Variants in ABRA observed in about 807,000 individuals in gnomAD.
ABRA encodes actin binding Rho activating protein.
A neutral mutation model predicts 33.4 loss-of-function variants in ABRA; 25 were observed. The ratio of observed to expected loss-of-function variants is 0.75; its 90% CI spans 0.55 to 1.04. The LOEUF (loss-of-function observed/expected upper bound fraction) is 1.04, where lower values mean the gene tolerates loss of function less well. Ranked by LOEUF, ABRA falls within the 50% of genes least tolerant of loss-of-function variation. The pLI is 0.00. For synonymous variants in ABRA, 193 were observed against 176.8 expected, an observed-to-expected ratio of 1.09 and a Z score of -0.73; for missense variants, 501 against 491.7, an observed-to-expected ratio of 1.02 and a Z score of -0.18.
intron 1 of ABRA, among the ~76,000 whole-genome samples, chr8:106,762,188 A>G (rs551537678): frequency 7.2e-5 from 11 of 152,350 alleles, no homozygotes; most frequent in Non-Finnish European, 1.5e-4. Flanking sequence ...ACAAATGAGG[A>G]AACTGAGGCC....
chr8:106,760,785 C>T lies in ABRA; in HGVS notation c.*252G>A, dbSNP rs749658839. Reference sequence around the variant, plus strand: ...TGTCTCAAAACAAAAACAAAAACACCCTGTGGAATTTCAACTATTAATACT... The same window carrying T: ...TGTCTCAAAACAAAAACAAAAACACTCTGTGGAATTTCAACTATTAATACT... On this transcript the variant is annotated 3_prime_UTR_variant, in exon 2 of 2. Transcript: ENST00000311955. The T allele has an allele frequency of 2.6e-4, 113 of 433,756 alleles. No homozygotes were observed. Among genetic ancestry groups the T allele is most frequent in the Non-Finnish European group, 4.0e-4 (97 of 245,118 alleles). The allele number at this position is 433,756 out of a possible 1,614,324, so 26.9% of individuals were successfully genotyped here. A position where few individuals can be genotyped will look rare whatever the true frequency, so the allele number is the denominator to read the frequency against.
At chr8:106,761,541 A>C in intron 1 of ABRA, 27 bp from the exon 2 acceptor site, 1 of 1,577,850 alleles carries the variant, frequency 6.3e-7, no homozygotes, top group Non-Finnish European at 8.6e-7. Context: ...GTGAACAATC[A>C]AGATTCAGAT....
At position 106,759,665 on chromosome 8, in the gene ABRA, A is replaced by G. The variant is rs1836108336; in HGVS notation, c.*1372T>C. ...ACTTTCTTAAGATACCAGAACCTTC[A>G]GTTTGAAAGAGACTCATACATGAAA... On this transcript the variant is annotated 3_prime_UTR_variant, in exon 2 of 2. Transcript: ENST00000311955. 6.6e-6 allele frequency: 1 copy of G among 152,218 alleles called. No homozygotes were observed. The highest frequency in any genetic ancestry group is 2.4e-5 in the African/African-American group (1 of 41,466). 9.4% of individuals were successfully genotyped at this position (152,218 alleles called of 1,614,324 possible). A position where few individuals can be genotyped will look rare whatever the true frequency, so the allele number is the denominator to read the frequency against.
At position 106,760,163 on chromosome 8, in the gene ABRA, T is replaced by A. The variant is rs1542644; in HGVS notation, c.*874A>T. 36,275 of 152,102 alleles carry A rather than the reference T, an allele frequency of 0.24. 4,762 individuals carry two copies. The highest frequency in any genetic ancestry group is 0.34 in the African/African-American group (14,293 of 41,478). The allele number at this position is 152,102 out of a possible 1,614,324, so 9.4% of individuals were successfully genotyped here. On this transcript the variant is annotated 3_prime_UTR_variant, in exon 2 of 2. Transcript: ENST00000311955. Reference sequence around the variant, plus strand: ...TGACTCGTTATATGCTGACATGTAATGAAACAATAAACTTCTCCAAGAAGT... The same window carrying A: ...TGACTCGTTATATGCTGACATGTAAAGAAACAATAAACTTCTCCAAGAAGT...
Position 106,770,108 on chromosome 8 carries a change from C to A in ABRA, c.83G>T (p.Ser28Ile). ...RKIRTATLVI[S>I]LARGWQQWAN... ...CCACTGCTGCCAACCTCGGGCCAAG[C>A]TGATGACCAGGGTGGCTGTGCGTAT... The change falls in exon 1 of 2, where the codon AGC (serine) becomes ATC (isoleucine). Residue 28 changes from serine to isoleucine, a missense_variant. Transcript: ENST00000311955. 1 of 1,613,878 alleles carries A rather than the reference C, an allele frequency of 6.2e-7. No individual in the cohort carries two copies. Among genetic ancestry groups the A allele is most frequent in the East Asian group, 2.2e-5 (1 of 44,872 alleles).
In ABRA at chr8:106,761,105, C is replaced by G. The variant is rs766114154; in HGVS notation, c.1078G>C (p.Val360Leu). Residue 360 changes from valine to leucine, a missense_variant, in exon 2 of 2, where the codon GTA (valine) becomes CTA (leucine). Physicochemically the swap from Val to Leu is conservative, Grantham distance 32. Transcript: ENST00000311955. ...CATAGCATCTCTCCTTCAAAGTCTA[C>G]CAGTCCATGTTTCCTGGCACGCATG... ...ILMRARKHGL[V>L]DFEGEMLWQG... 10 of 1,614,098 alleles carry G rather than the reference C, an allele frequency of 6.2e-6. No individual in the cohort carries two copies. Among genetic ancestry groups the G allele is most frequent in the Non-Finnish European group, 7.6e-6 (9 of 1,180,042 alleles).
At chr8:106,763,683 C>T (rs550837595) in intron 1 of ABRA, among the ~76,000 whole-genome samples, 9 of 152,214 alleles carry the variant, frequency 5.9e-5, no homozygotes, top group Admixed American at 1.3e-4. Context: ...ATATCAAGCC[C>T]AAGGCCATCC....
At position 106,761,373 on chromosome 8, in the gene ABRA, A is replaced by T. The variant is rs1409454239; in HGVS notation, c.810T>A (p.Asp270Glu). The T allele has an allele frequency of 2.5e-6, 4 of 1,614,194 alleles. No homozygotes were observed. Among genetic ancestry groups the T allele is most frequent in the Non-Finnish European group, 3.4e-6 (4 of 1,180,040 alleles). ...GGCGGGTGGACATGGCCAGCTCGTA[A>T]TCAAACTCTTCACTGAAAGGATTGA... ...QKLNPFSEEF[D>E]YELAMSTRLH... The change falls in exon 2 of 2, where the codon GAT (aspartate) becomes GAA (glutamate). Residue 270 changes from aspartate to glutamate, a missense_variant. By Grantham distance (45) the Asp-to-Glu change is conservative. Coordinates refer to ENST00000311955, the MANE Select transcript of ABRA (RefSeq NM_139166.5).
intron 1 of ABRA, 110 bp from the exon 2 acceptor site, chr8:106,761,624 T>G: frequency 1.1e-6 from 1 of 886,446 alleles, no homozygotes; most frequent in Non-Finnish European, 1.7e-6. Flanking sequence ...TATAATTTTT[T>G]CACTACAAAA....
At chr8:106,764,668 CAAACAAAA>C (rs572286144) in intron 1 of ABRA, among the ~76,000 whole-genome samples, 214 of 150,452 alleles carry the variant, frequency 1.4e-3, no homozygotes, top group African/African-American at 4.6e-3. Context: ...AACAAACAAA[CAAACAAAA>C]AAGACTGTAA....
intron 1 of ABRA, among the ~76,000 whole-genome samples, chr8:106,763,284 C>T (rs7009179): frequency 2.2e-4 from 33 of 152,256 alleles, no homozygotes; most frequent in African/African-American, 7.7e-4. Context: ...TCCCAACGTC[C>T]TACGCTTGCT....
At chr8:106,762,316 G>C (rs1247798628) in intron 1 of ABRA, among the ~76,000 whole-genome samples, 1 of 152,188 alleles carries the variant, frequency 6.6e-6, no homozygotes, top group Non-Finnish European at 1.5e-5. Context: ...GCCCTAAATA[G>C]GTGACGTTGC....
At chr8:106,766,456 G>A (rs1033700972) in intron 1 of ABRA, among the ~76,000 whole-genome samples, 9 of 152,000 alleles carry the variant, frequency 5.9e-5, no homozygotes, top group South Asian at 2.1e-4. Flanking sequence ...AAAATAAGTG[G>A]ACAAAAAGGC....
intron 1 of ABRA, among the ~76,000 whole-genome samples, chr8:106,761,730 T>C (rs1287802293): frequency 5.3e-5 from 8 of 152,238 alleles, no homozygotes; most frequent in Admixed American, 4.6e-4. Context: ...TAGATTGTTT[T>C]CTCTATGAAT....
intron 1 of ABRA, among the ~76,000 whole-genome samples, chr8:106,765,814 G>A (rs1184476153): frequency 1.3e-5 from 2 of 152,138 alleles, no homozygotes; most frequent in African/African-American, 2.4e-5. Context: ...TTTCTTGTGA[G>A]ATCCTTCAAT....
intron 1 of ABRA, among the ~76,000 whole-genome samples, chr8:106,767,812 T>A (rs377753432): frequency 6.6e-6 from 1 of 152,122 alleles, no homozygotes; most frequent in Non-Finnish European, 1.5e-5. Context: ...ATAAGACAGC[T>A]CTTTAGGCCG....
chr8:106,768,044 G>A (rs1051138873), intron 1 of ABRA, among the ~76,000 whole-genome samples: 10 of 150,678 alleles, frequency 6.6e-5, no homozygotes, highest in Non-Finnish European at 1.2e-4. Flanking sequence ...GCAGTGAGCC[G>A]AGGTCGTGCC....
Position 106,760,892 on chromosome 8 carries a change from G to T in ABRA, c.*145C>A. On this transcript the variant is annotated 3_prime_UTR_variant, in exon 2 of 2. Transcript: ENST00000311955. ...TCTCCAAAATTCCTCATTCTAGATAGAAATAGAATGCCAGAAAGTCGTTTA... is the reference window on the plus strand; with the variant it reads ...TCTCCAAAATTCCTCATTCTAGATATAAATAGAATGCCAGAAAGTCGTTTA... 1 of 754,250 alleles carries T rather than the reference G, an allele frequency of 1.3e-6. No homozygotes were observed. The highest frequency in any genetic ancestry group is 2.2e-6 in the Non-Finnish European group (1 of 453,468). The allele number at this position is 754,250 out of a possible 1,614,324, so 46.7% of individuals were successfully genotyped here.
At position 106,761,171 on chromosome 8, in the gene ABRA, CAA is replaced by C; in HGVS notation, c.1010_1011del (p.Phe337Ter). On this transcript the variant is annotated frameshift_variant, in exon 2 of 2. Transcript: ENST00000311955. LOFTEE classifies it high-confidence loss of function. ...TTATCTGAAATACGAACGTATCTGT[CAA>C]AGAGATCTCCAAAAGTAACCTGGAT... ...GKIQVTFGDL[F>X]DRYVRISDKV... The C allele has an allele frequency of 6.2e-7, 1 of 1,614,214 alleles. No homozygotes were observed. The highest frequency in any genetic ancestry group is 1.7e-5 in the Admixed American group (1 of 60,018).
Sources: allele counts gnomAD v4.1 joint callset (sites outside exome capture counted in the v4.1 genomes callset), GRCh38; gene constraint gnomAD v4.1.1; transcripts MANE v1.5; gene names NCBI Gene and HGNC (gene_info 2026-07-23, HGNC 2026-07-21).